Variants in NXN observed in about 807,000 individuals in gnomAD.
The protein encoded by NXN is nucleoredoxin 1.
NXN carries 16 observed loss-of-function variants against 48.6 expected under a neutral mutation model. The ratio of observed to expected loss-of-function variants is 0.33; its 90% CI spans 0.22 to 0.50. NXN has a LOEUF of 0.50. NXN is among the 20% of genes least tolerant of loss of function. NXN has a pLI of 0.98. For synonymous variants in NXN, 281 were observed against 269.6 expected (o/e 1.04, Z -0.41); for missense variants, 492 against 605.5 (o/e 0.81, Z 1.97).
intron 3 of NXN, among the ~76,000 whole-genome samples, chr17:823,165 G>A (rs149720009): frequency 0.026 from 3,964 of 150,856 alleles, 72 homozygotes; most frequent in Middle Eastern, 0.094. Context: ...TTGGGAGGCC[G>A]AGGCGGGCAG....
At chr17:801,200 C>T in intron 7 of NXN, 69 bp from the exon 8 acceptor site, 1 of 1,274,272 alleles carries the variant, frequency 7.8e-7, no homozygotes, top group Non-Finnish European at 1.0e-6. Flanking sequence ...CCCCTGGGCC[C>T]AGTCTCCCCA....
chr17:803,184 G>A (rs1911298275), intron 7 of NXN, among the ~76,000 whole-genome samples: 2 of 152,198 alleles, frequency 1.3e-5, no homozygotes, highest in African/African-American at 4.8e-5. Flanking sequence ...ACCTCAAAGG[G>A]ACAGCCTGGG....
At chr17:896,247 G>A (rs910823756) in intron 1 of NXN, among the ~76,000 whole-genome samples, 3 of 151,928 alleles carry the variant, frequency 2.0e-5, no homozygotes, top group Admixed American at 1.3e-4. Context: ...GGCTGAGGCA[G>A]GAGAATCACT....
At chr17:845,549 G>A (rs181625088) in intron 1 of NXN, among the ~76,000 whole-genome samples, 17 of 152,292 alleles carry the variant, frequency 1.1e-4, no homozygotes, top group Admixed American at 2.6e-4. Flanking sequence ...CTCATAAGAC[G>A]AGGCCCTTCA....
chr17:858,596 C>T (rs527455052), intron 1 of NXN, among the ~76,000 whole-genome samples: 1 of 151,998 alleles, frequency 6.6e-6, no homozygotes, highest in South Asian at 2.1e-4. Flanking sequence ...GGCATGGTGG[C>T]GGGCGCCTGT....
chr17:896,856 C>CGGGGGGGGCGG, intron 1 of NXN: 1 of 1,156,930 alleles, frequency 8.6e-7, no homozygotes, highest in Non-Finnish European at 1.1e-6. Flanking sequence ...CGGTCCTGAC[C>CGGGGGGGGCGG]ACCCGCCCCC....
chr17:913,722 G>A (rs1185349794), intron 1 of NXN, among the ~76,000 whole-genome samples: 1 of 151,996 alleles, frequency 6.6e-6, no homozygotes, highest in Non-Finnish European at 1.5e-5. Context: ...TTCTCTCCTG[G>A]CACCTGCTCT....
chr17:886,177 G>A (rs1255599244), intron 1 of NXN, among the ~76,000 whole-genome samples: 1 of 152,112 alleles, frequency 6.6e-6, no homozygotes, highest in African/African-American at 2.4e-5. Flanking sequence ...CACGGAAGCA[G>A]CTCCCAGGTC....
At chr17:927,031 AGGCCAGGTGCGGT>A (rs2068806928) in intron 1 of NXN, among the ~76,000 whole-genome samples, 1 of 150,316 alleles carries the variant, frequency 6.7e-6, no homozygotes, top group African/African-American at 2.5e-5. Context: ...AGCAAAAGTA[AGGCCAGGTGCGGT>A]GGCTCACGCC....
chr17:885,260 A>G, intron 1 of NXN, among the ~76,000 whole-genome samples: 1 of 152,224 alleles, frequency 6.6e-6, no homozygotes, highest in East Asian at 1.9e-4. Flanking sequence ...TCAGAGGTTG[A>G]GACCAGCCTG....
intron 1 of NXN, among the ~76,000 whole-genome samples, chr17:845,732 C>A (rs1334990277): frequency 6.6e-6 from 1 of 152,240 alleles, no homozygotes; most frequent in Non-Finnish European, 1.5e-5. Flanking sequence ...GGCGGATATT[C>A]CATTTTCACA....
Position 825,355 on chromosome 17 carries a change from C to T in NXN, c.478+606G>A, listed in dbSNP as rs1023127111. Among the ~76,000 whole-genome samples, 3 of 152,074 alleles carry T rather than the reference C, an allele frequency of 2.0e-5. No homozygotes were observed. Among genetic ancestry groups the T allele is most frequent in the Non-Finnish European group, 2.9e-5 (2 of 68,020 alleles). On this transcript the variant is annotated intron_variant, in intron 2 of 7. Transcript: ENST00000336868. This position sits in a 1 kb window ranked among gnomAD's most constrained non-coding sequence, Gnocchi z 4.1. ...AGCGGGGTTGAATCTTCTCACTGGA[C>T]GGATTAAGTGAGGGGAGGAGATCTC...
At chr17:880,408 T>C (rs1288451905) in intron 1 of NXN, among the ~76,000 whole-genome samples, 1 of 152,172 alleles carries the variant, frequency 6.6e-6, no homozygotes, top group Non-Finnish European at 1.5e-5. Context: ...AATAAGAACT[T>C]CTTTGTGGCC....
At chr17:843,797 A>C (rs2067827976) in intron 1 of NXN, among the ~76,000 whole-genome samples, 1 of 152,198 alleles carries the variant, frequency 6.6e-6, no homozygotes, top group South Asian at 2.1e-4. Flanking sequence ...TGGGACCCTG[A>C]CCTGCAGCGT....
At chr17:821,730 G>T (rs371085409) in intron 4 of NXN, among the ~76,000 whole-genome samples, 19 of 145,498 alleles carry the variant, frequency 1.3e-4, no homozygotes, top group African/African-American at 5.0e-4. Context: ...CAGCCTGGGC[G>T]ACAGAGCGAG....
At chr17:836,862 G>A (rs1248607281) in intron 1 of NXN, among the ~76,000 whole-genome samples, 2 of 152,072 alleles carry the variant, frequency 1.3e-5, no homozygotes, top group African/African-American at 4.8e-5. Context: ...CAAAATCATG[G>A]CTCACTGCAG....
intron 1 of NXN, among the ~76,000 whole-genome samples, chr17:914,119 C>G (rs995741941): frequency 2.0e-5 from 3 of 152,028 alleles, no homozygotes; most frequent in African/African-American, 7.2e-5. Context: ...AGGCTGCTCT[C>G]GAACTCCCAA....
At chr17:836,415 C>T (rs1410389508) in intron 1 of NXN, among the ~76,000 whole-genome samples, 1 of 152,172 alleles carries the variant, frequency 6.6e-6, no homozygotes, top group African/African-American at 2.4e-5. Context: ...AGCCAAATGC[C>T]GACCACAATC....
chr17:881,883 T>A (rs1041334491), intron 1 of NXN, among the ~76,000 whole-genome samples: 3 of 152,196 alleles, frequency 2.0e-5, no homozygotes, highest in South Asian at 2.1e-4. Flanking sequence ...CGATTCCATT[T>A]CCATGACGGT....
Sources: allele counts gnomAD v4.1 joint callset (sites outside exome capture counted in the v4.1 genomes callset), GRCh38; gene constraint gnomAD v4.1.1; non-coding constraint Gnocchi (gnomAD v3.1); transcripts MANE v1.5; gene names NCBI Gene and HGNC (gene_info 2026-07-23, HGNC 2026-07-21).